FCGR3A: variants seen among roughly 807,000 people sequenced by gnomAD.
FCGR3A encodes the protein low affinity immunoglobulin gamma Fc region receptor III-A.
FCGR3A carries 13 observed loss-of-function variants against 24.1 expected under a neutral mutation model. The observed-to-expected ratio is 0.54, with a 90% confidence interval of 0.35 to 0.86. The LOEUF (loss-of-function observed/expected upper bound fraction) is 0.86. FCGR3A is among the 40% of genes least tolerant of loss of function. The pLI, the probability that FCGR3A is intolerant of heterozygous loss-of-function variation, is 0.01. For synonymous variants in FCGR3A, 93 were observed against 112.2 expected (o/e 0.83, Z 1.08); for missense variants, 235 against 298.0 (o/e 0.79, Z 1.56).
At chr1:161,543,677 A>G (rs1217443715) in intron 4 of FCGR3A, among the ~76,000 whole-genome samples, 1 of 152,118 alleles carries the variant, frequency 6.6e-6, no homozygotes, top group African/African-American at 2.4e-5. Context: ...CATTTGCTTT[A>G]TTTGCTCTCT....
chr1:161,547,344 G>A (rs1677466954), intron 3 of FCGR3A, among the ~76,000 whole-genome samples: 1 of 152,114 alleles, frequency 6.6e-6, no homozygotes, highest in Non-Finnish European at 1.5e-5. Context: ...ACCTCCTTAT[G>A]CCCTTCTTCC....
intron 3 of FCGR3A, among the ~76,000 whole-genome samples, chr1:161,548,001 G>C (rs1278187691): frequency 1.3e-5 from 2 of 152,302 alleles, no homozygotes; most frequent in Non-Finnish European, 2.9e-5. Context: ...ACCCAAGGGG[G>C]CAGAAGTTGC....
upstream of FCGR3A, chr1:161,549,832 C>T (rs773823413): frequency 1.5e-4 from 236 of 1,613,158 alleles, 3 homozygotes; most frequent in Non-Finnish European, 1.8e-4. Context: ...CTTTCCCCAG[C>T]CCCTCCACCC....
rs546260401 is a variant in FCGR3A, at chr1:161,544,601, G to A, written c.577+100C>T. ...GAGGGAACCACATATGAAGAAGTGCGTGTAAGAATCAGGAATCTCCTCCCA... is the reference window on the plus strand; with the variant it reads ...GAGGGAACCACATATGAAGAAGTGCATGTAAGAATCAGGAATCTCCTCCCA... On this transcript the variant is annotated intron_variant, in intron 4 of 4. Transcript: ENST00000443193. 1.2e-4 allele frequency: 160 copies of A among 1,359,684 alleles called. 1 individual carries two copies. The highest frequency in any genetic ancestry group is 2.3e-4 in the East Asian group (10 of 43,366). The allele number at this position is 1,359,684 out of a possible 1,614,324, so 84.2% of individuals were successfully genotyped here.
At chr1:161,550,412 T>C (rs1442027083), upstream of FCGR3A, 1 of 184,602 alleles carries the variant, frequency 5.4e-6, no homozygotes, top group East Asian at 1.3e-4. Context: ...GATTTCCAGG[T>C]TAGAAGAAAC....
At chr1:161,545,769 G>C (rs1303202868) in intron 3 of FCGR3A, 1 of 152,000 alleles carries the variant, frequency 6.6e-6, no homozygotes, top group Non-Finnish European at 1.5e-5. Context: ...TCATGGTCGG[G>C]AAAGGGCCTG....
chr1:161,542,961 A>G lies in FCGR3A; in HGVS notation c.*51T>C. On this transcript the variant is annotated 3_prime_UTR_variant, in exon 5 of 5. Coordinates refer to ENST00000443193, the MANE Select transcript of FCGR3A (RefSeq NM_000569.8). ...ATGATGGGGTTGCAAATCCAGAGAA[A>G]TGTTCAGAGATGCTGCTGCTACTGC... 6.9e-7 allele frequency: 1 copy of G among 1,449,858 alleles called. No individual in the cohort carries two copies. Among genetic ancestry groups the G allele is most frequent in the Non-Finnish European group, 9.4e-7 (1 of 1,061,720 alleles). 89.8% of individuals were successfully genotyped at this position (1,449,858 alleles called of 1,614,324 possible).
At chr1:161,547,327 C>A (rs1677465650) in intron 3 of FCGR3A, among the ~76,000 whole-genome samples, 1 of 152,176 alleles carries the variant, frequency 6.6e-6, no homozygotes, top group African/African-American at 2.4e-5. Context: ...AGCTCTCTTG[C>A]AGATCCACCT....
At chr1:161,547,077 C>G (rs1199913533) in intron 3 of FCGR3A, among the ~76,000 whole-genome samples, 6 of 152,116 alleles carry the variant, frequency 3.9e-5, no homozygotes, top group Non-Finnish European at 8.8e-5. Context: ...ATTGGCTAGA[C>G]TTCTAAAGCC....
At chr1:161,543,486 A>G (rs1444120703) in intron 4 of FCGR3A, among the ~76,000 whole-genome samples, 7 of 152,214 alleles carry the variant, frequency 4.6e-5, no homozygotes, top group Non-Finnish European at 1.0e-4. Context: ...GTTTTGTGTG[A>G]CAGTTAAGAA....
intron 2 of FCGR3A, among the ~76,000 whole-genome samples, 160 bp downstream of exon 2, chr1:161,548,851 G>T (rs898016102): frequency 6.6e-6 from 1 of 151,576 alleles, no homozygotes; most frequent in Non-Finnish European, 1.5e-5. Context: ...AGGAAAGCTG[G>T]CCAGAGAAGC....
At chr1:161,550,340 A>T (rs577120514), upstream of FCGR3A, among the ~76,000 whole-genome samples, 42 of 152,318 alleles carry the variant, frequency 2.8e-4, 3 homozygotes, top group South Asian at 8.3e-3. Context: ...TTCAAAATCT[A>T]TATGCTCCTG....
At chr1:161,549,957 A>G, upstream of FCGR3A, 1 of 1,278,932 alleles carries the variant, frequency 7.8e-7, no homozygotes, top group Non-Finnish European at 1.1e-6. Context: ...GCCTGGAGGC[A>G]AGGTGGGTGG....
In FCGR3A at chr1:161,549,791, C is replaced by G. The variant is rs769548845; in HGVS notation, c.-55G>C. 1.3e-5 allele frequency: 21 copies of G among 1,613,708 alleles called. No individual in the cohort carries two copies. The highest frequency in any genetic ancestry group is 1.7e-5 in the Non-Finnish European group (20 of 1,179,896). On this transcript the variant is annotated 5_prime_UTR_variant, in exon 1 of 5. Transcript: ENST00000443193. ...AAGATATCCGGAGCCCTAAAGGGAC[C>G]AAACCGACTAGACAGGAGGAAGTAA... is the stretch of plus-strand genomic sequence containing the variant.
At chr1:161,547,929 G>C (rs1224395968) in intron 3 of FCGR3A, among the ~76,000 whole-genome samples, 1 of 152,300 alleles carries the variant, frequency 6.6e-6, no homozygotes, top group African/African-American at 2.4e-5. Context: ...AATTAGCTGG[G>C]CGTGGTGGCG....
chr1:161,546,406 C>T (rs1677397952), intron 3 of FCGR3A, among the ~76,000 whole-genome samples: 2 of 152,044 alleles, frequency 1.3e-5, no homozygotes, highest in Non-Finnish European at 1.5e-5. Flanking sequence ...TTTCATCAAG[C>T]ACTCACTATG....
At chr1:161,549,826 C>G (rs1320613273), upstream of FCGR3A, 1 of 1,613,652 alleles carries the variant, frequency 6.2e-7, no homozygotes, top group East Asian at 2.2e-5. Flanking sequence ...AACAGCCTTT[C>G]CCCAGCCCCT....
chr1:161,549,374 CAT>C (rs1265569959), intron 1 of FCGR3A, among the ~76,000 whole-genome samples: 1 of 152,080 alleles, frequency 6.6e-6, no homozygotes, highest in Non-Finnish European at 1.5e-5. Flanking sequence ...AATTGAAAAT[CAT>C]AGAGGAGAAC....
rs1042264 is a variant in FCGR3A, at chr1:161,541,949, T to A, written c.*1063A>T. On this transcript the variant is annotated 3_prime_UTR_variant, in exon 5 of 5. Coordinates refer to ENST00000443193, the MANE Select transcript of FCGR3A (RefSeq NM_000569.8). ...CCCCACCTCATTGGAACTGACATGATGAAGGATTTGAAAGTTTCATAACTT... is the reference window on the plus strand; with the variant it reads ...CCCCACCTCATTGGAACTGACATGAAGAAGGATTTGAAAGTTTCATAACTT... 6 of 152,196 alleles carry A rather than the reference T, an allele frequency of 3.9e-5. No individual in the cohort carries two copies. The highest frequency in any genetic ancestry group is 2.1e-4 in the South Asian group (1 of 4,822). 9.4% of individuals were successfully genotyped at this position (152,196 alleles called of 1,614,324 possible).
Sources: allele counts gnomAD v4.1 joint callset (sites outside exome capture counted in the v4.1 genomes callset), GRCh38; gene constraint gnomAD v4.1.1; transcripts MANE v1.5; gene names NCBI Gene and HGNC (gene_info 2026-07-23, HGNC 2026-07-21).